Variants in PTPRM observed in about 807,000 individuals in gnomAD.
PTPRM encodes the protein receptor-type tyrosine-protein phosphatase mu.
In PTPRM, 47 loss-of-function variants were observed where a neutral mutation model predicts 186.7. The observed-to-expected ratio is 0.25, with a 90% CI of 0.20 to 0.32. The LOEUF (loss-of-function observed/expected upper bound fraction) is 0.32, where lower values mean the gene tolerates loss of function less well. PTPRM is among the 10% of genes least tolerant of loss of function. The pLI, the probability that PTPRM is intolerant of heterozygous loss-of-function variation, is 1.00. For synonymous variants in PTPRM, 668 were observed against 674.9 expected (o/e 0.99, Z 0.16); for missense variants, 1,494 against 1,865.0 (o/e 0.80, Z 3.66).
chr18:7,948,215 G>A (rs962539300), intron 5 of PTPRM, among the ~76,000 whole-genome samples: 57 of 148,950 alleles, frequency 3.8e-4, no homozygotes, highest in African/African-American at 7.5e-4. Flanking sequence ...GTCCATATTC[G>A]TATTTGTCTA....
chr18:7,809,264 T>G (rs999861002), intron 2 of PTPRM, among the ~76,000 whole-genome samples: 1 of 152,156 alleles, frequency 6.6e-6, no homozygotes, highest in Non-Finnish European at 1.5e-5. Context: ...CGAATTGCTC[T>G]GCTTCTCTGT....
intron 23 of PTPRM, among the ~76,000 whole-genome samples, chr18:8,367,600 CGG>C (rs1388839235): frequency 6.6e-6 from 1 of 152,246 alleles, no homozygotes; most frequent in African/African-American, 2.4e-5. Context: ...CATCCGGCCG[CGG>C]GGGACCAGGA....
chr18:7,828,353 C>T (rs982828922), intron 2 of PTPRM, among the ~76,000 whole-genome samples: 1 of 151,738 alleles, frequency 6.6e-6, no homozygotes, highest in African/African-American at 2.4e-5. Flanking sequence ...GTGCTGCACC[C>T]ATTAACTCGT....
At chr18:7,678,204 G>T (rs2039393017) in intron 1 of PTPRM, among the ~76,000 whole-genome samples, 1 of 152,172 alleles carries the variant, frequency 6.6e-6, no homozygotes, top group African/African-American at 2.4e-5. Context: ...CAAAGGGGTT[G>T]CCTTGAGAAA....
intron 21 of PTPRM, 121 bp from the exon 22 acceptor site, chr18:8,319,057 C>G: frequency 1.5e-6 from 1 of 686,848 alleles, no homozygotes; most frequent in East Asian, 2.9e-5. Context: ...GGCCATTTAA[C>G]TTTCAGGTGA....
At chr18:7,591,098 T>C (rs555203827) in intron 1 of PTPRM, among the ~76,000 whole-genome samples, 1 of 152,348 alleles carries the variant, frequency 6.6e-6, no homozygotes, top group East Asian at 1.9e-4. Flanking sequence ...ACAAAACTTA[T>C]CTCCATTTTT....
At chr18:7,953,520 A>T (rs1482065818) in intron 6 of PTPRM, among the ~76,000 whole-genome samples, 1 of 152,236 alleles carries the variant, frequency 6.6e-6, no homozygotes. Flanking sequence ...ACAATATTTT[A>T]GTAAATTTAC....
intron 7 of PTPRM, among the ~76,000 whole-genome samples, chr18:8,056,750 G>T (rs1290815788): frequency 1.2e-5 from 1 of 83,838 alleles, no homozygotes; most frequent in African/African-American, 5.1e-5. Context: ...GCCTTTTTTA[G>T]CAAAAAAAAA....
chr18:7,851,416 G>A (rs965336643), intron 2 of PTPRM, among the ~76,000 whole-genome samples: 3 of 152,094 alleles, frequency 2.0e-5, no homozygotes, highest in African/African-American at 7.2e-5. Flanking sequence ...AAACTGCTGG[G>A]AACCAAAGAC....
chr18:7,574,757 C>G (rs2036644174), intron 1 of PTPRM, among the ~76,000 whole-genome samples: 1 of 152,206 alleles, frequency 6.6e-6, no homozygotes. Context: ...TTCGGCCAGG[C>G]GCGGTGGCTC....
chr18:7,762,561 G>A lies in PTPRM; in HGVS notation c.74-11588G>A, dbSNP rs2041828026. ...AGTACTATCCGATGGACAATAAAGG[G>A]CTGATGAATAGTTTTAAGTAGGGAG... On this transcript the variant is annotated intron_variant, in intron 1 of 32. Transcript: ENST00000580170. Among the ~76,000 whole-genome samples the A allele has an allele frequency of 3.3e-5, 5 of 152,268 alleles. No individual in the cohort carries two copies. In the South Asian group the frequency reaches 1.0e-3, roughly 32 times the overall value.
chr18:7,837,642 A>G (rs773571594), intron 2 of PTPRM, among the ~76,000 whole-genome samples: 1 of 152,092 alleles, frequency 6.6e-6, no homozygotes, highest in African/African-American at 2.4e-5. Context: ...TTTAGTAGAG[A>G]CAGGGTTTCA....
chr18:7,901,387 TA>T (rs199738779), intron 3 of PTPRM, among the ~76,000 whole-genome samples: 2,506 of 151,996 alleles, frequency 0.016, 26 homozygotes, highest in South Asian at 0.032. Flanking sequence ...TCTTTTTTGA[TA>T]ACGGAGTCTT....
At chr18:8,266,840 G>A (rs910168157) in intron 19 of PTPRM, among the ~76,000 whole-genome samples, 11 of 151,838 alleles carry the variant, frequency 7.2e-5, no homozygotes, top group Admixed American at 2.6e-4. Flanking sequence ...CCCAGGAGGC[G>A]GAGGTTGCAG....
At chr18:7,737,990 C>T (rs77787629) in intron 1 of PTPRM, among the ~76,000 whole-genome samples, 6,932 of 152,204 alleles carry the variant, frequency 0.046, 227 homozygotes, top group Middle Eastern at 0.15. Context: ...CTTTAATGCA[C>T]GCTTCTCAAA....
At chr18:7,950,860 GA>G (rs1385538797) in intron 6 of PTPRM, among the ~76,000 whole-genome samples, 2 of 152,128 alleles carry the variant, frequency 1.3e-5, no homozygotes, top group African/African-American at 4.8e-5. Context: ...TATTGAGTCA[GA>G]ATATCCAGGG....
intron 2 of PTPRM, among the ~76,000 whole-genome samples, chr18:7,879,807 A>G (rs2048413557): frequency 6.6e-6 from 1 of 152,188 alleles, no homozygotes; most frequent in Non-Finnish European, 1.5e-5. Flanking sequence ...AGAATGATCC[A>G]TGCCAGGATG....
At chr18:8,301,924 C>T (rs111958812) in intron 20 of PTPRM, among the ~76,000 whole-genome samples, 4 of 152,258 alleles carry the variant, frequency 2.6e-5, no homozygotes, top group African/African-American at 9.6e-5. Context: ...GGTGAGAAGA[C>T]GGAGGAGTGT....
At chr18:7,594,605 G>A (rs2037209814) in intron 1 of PTPRM, among the ~76,000 whole-genome samples, 1 of 152,168 alleles carries the variant, frequency 6.6e-6, no homozygotes, top group South Asian at 2.1e-4. Context: ...CTGCTGTCCT[G>A]CAGAAGGAAA....
Sources: gnomAD v4.1 joint callset for allele counts (sites outside exome capture counted in the v4.1 genomes callset) on GRCh38, gnomAD v4.1.1 for gene constraint, MANE v1.5 for transcripts, NCBI Gene and HGNC (gene_info 2026-07-23, HGNC 2026-07-21) for gene names.